PCNX3: variants seen among roughly 807,000 people sequenced by gnomAD.
The protein encoded by PCNX3 is pecanex 3.
PCNX3 carries 58 observed loss-of-function variants against 207.2 expected under a neutral mutation model. The observed-to-expected ratio is 0.28, with a 90% CI of 0.23 to 0.35. The LOEUF (loss-of-function observed/expected upper bound fraction) is 0.35. Ranked by LOEUF, PCNX3 falls within the 10% of genes least tolerant of loss-of-function variation. PCNX3 has a pLI of 1.00. For synonymous variants in PCNX3, 1,337 were observed against 1,183.5 expected, an observed-to-expected ratio of 1.13 and a Z score of -2.66; for missense variants, 2,410 against 2,774.4, an observed-to-expected ratio of 0.87 and a Z score of 2.95.
chr11:65,627,415 C>T lies in PCNX3; in HGVS notation c.3535C>T (p.Leu1179=), dbSNP rs778548367. ...GCCCCTTGCCCACAGCTGCCGGGCG[C>T]TGCTGATGACCGTGGCTGGGCTGAA... ...PDKYCFYCRA[L]LMTVAGLKLL... Residue 1179 remains leucine, a synonymous_variant, in exon 22 of 35, where the codon CTG becomes TTG. Coordinates refer to ENST00000355703, the MANE Select transcript of PCNX3 (RefSeq NM_032223.4). 32 of 1,609,572 alleles carry T rather than the reference C, an allele frequency of 2.0e-5. No homozygotes were observed. Among genetic ancestry groups the T allele is most frequent in the Non-Finnish European group, 2.5e-5 (30 of 1,179,814 alleles).
chr11:65,624,163 G>C (rs1855257805), intron 13 of PCNX3, 32 bp from the exon 14 acceptor site: 3 of 1,587,754 alleles, frequency 1.9e-6, no homozygotes, highest in Non-Finnish European at 2.6e-6. Context: ...GCCAGTCGGG[G>C]AGACCCAGCT....
chr11:65,622,272 C>A lies in PCNX3; in HGVS notation c.2263C>A (p.Pro755Thr), dbSNP rs1855147954. The A allele has an allele frequency of 6.2e-7, 1 of 1,602,354 alleles. No individual in the cohort carries two copies. Among genetic ancestry groups the A allele is most frequent in the Admixed American group, 1.7e-5 (1 of 58,758 alleles). ...GCAGACACTGATGGAAGAAGCGCCA[C>A]CCCGGGCCCAGCATAGTTACAAGTA... Reference protein sequence around the residue: ...EEQTLMEEAPPRAQHSYKYWL... With the variant: ...EEQTLMEEAPTRAQHSYKYWL... Residue 755 changes from proline to threonine, a missense_variant, in exon 11 of 35, where the codon CCC becomes ACC. Physicochemically the swap from Pro to Thr is conservative, Grantham distance 38 (BLOSUM62 -1). Transcript: ENST00000355703.
chr11:65,623,620 C>T lies in PCNX3; in HGVS notation c.2487C>T (p.Ala829=), dbSNP rs1297986161. The change falls in exon 12 of 35, where the codon GCC becomes GCT. Residue 829 remains alanine, a synonymous_variant. Coordinates refer to ENST00000355703, the MANE Select transcript of PCNX3 (RefSeq NM_032223.4). ...IWVFQFCLVI[A]SCQYSLLKSV... ...TCTTCCAGTTCTGCCTGGTCATCGC[C>T]TCCTGCCAGTACTCCTTGCTGAAGG... The T allele has an allele frequency of 8.7e-6, 14 of 1,613,908 alleles. No homozygotes were observed. Among genetic ancestry groups the T allele is most frequent in the Middle Eastern group, 1.7e-4 (1 of 6,060 alleles).
intron 6 of PCNX3, 109 bp downstream of exon 6, chr11:65,619,176 G>C (rs1472742777): frequency 1.1e-6 from 1 of 947,788 alleles, no homozygotes; most frequent in African/African-American, 1.6e-5. Flanking sequence ...AGCCTCGGTT[G>C]TAGGCAGCAG....
chr11:65,630,305 T>A (rs771191120), intron 26 of PCNX3, 46 bp from the exon 27 acceptor site: 4 of 1,593,204 alleles, frequency 2.5e-6, no homozygotes, highest in Non-Finnish European at 3.4e-6. Context: ...ACAGGGCAGG[T>A]AGGGATTGTT....
At chr11:65,623,848 G>T (rs1323856413) in intron 12 of PCNX3, 81 bp from the exon 13 acceptor site, 2 of 1,595,562 alleles carry the variant, frequency 1.3e-6, no homozygotes, top group Non-Finnish European at 1.7e-6. Context: ...ACTGCCTAGT[G>T]GTGGAGCTGA....
Position 65,618,556 on chromosome 11 carries a change from G to T in PCNX3, c.1194G>T (p.Leu398=), listed in dbSNP as rs569519560. 11 of 1,611,584 alleles carry T rather than the reference G, an allele frequency of 6.8e-6. No individual in the cohort carries two copies. In the East Asian group the frequency reaches 2.2e-4, roughly 33 times the overall value. Residue 398 remains leucine (L), a synonymous_variant, in exon 6 of 35, where the codon CTG becomes CTT. Transcript: ENST00000355703. ...LLRPSKRQPP[L]RRHSPPGRAP... Reference sequence around the variant, plus strand: ...GGCCTAGCAAACGGCAGCCACCCCTGCGAAGACACTCTCCACCTGGCCGTG... The same window carrying T: ...GGCCTAGCAAACGGCAGCCACCCCTTCGAAGACACTCTCCACCTGGCCGTG...
rs755865706 is a variant in PCNX3, at chr11:65,618,591, G to A, written c.1229G>A (p.Arg410Gln). ...TCTCCACCTGGCCGTGCCCCTCGACGGCCCCTGCTTGAAGGTGGGGGCTTC... is the reference window on the plus strand; with the variant it reads ...TCTCCACCTGGCCGTGCCCCTCGACAGCCCCTGCTTGAAGGTGGGGGCTTC... ...RHSPPGRAPR[R>Q]PLLEGGGFFE... Residue 410 changes from arginine to glutamine, a missense_variant, in exon 6 of 35, where the codon CGG becomes CAG. By Grantham distance (43) the Arg-to-Gln change is conservative (BLOSUM62 1). This residue lies in a region of PCNX3 where 1,104 missense variants were observed against 970.3 expected (regional missense o/e 1.14). Transcript: ENST00000355703. The A allele has an allele frequency of 1.1e-5, 18 of 1,611,980 alleles. No homozygotes were observed. The Admixed American group carries it at 2.2e-4, about 19-fold the overall frequency.
chr11:65,637,269 C>T lies in PCNX3; in HGVS notation c.*291C>T. On this transcript the variant is annotated 3_prime_UTR_variant, in exon 35 of 35. Coordinates refer to ENST00000355703, the MANE Select transcript of PCNX3 (RefSeq NM_032223.4). Reference sequence around the variant, plus strand: ...TCCCACTTGGAGCCTGTGGCCAGGACCACCTCAGCCCCTGGGCCTGCACTG... The same window carrying T: ...TCCCACTTGGAGCCTGTGGCCAGGATCACCTCAGCCCCTGGGCCTGCACTG... The T allele has an allele frequency of 2.2e-6, 1 of 461,078 alleles. No homozygotes were observed. The highest frequency in any genetic ancestry group is 3.1e-5 in the South Asian group (1 of 32,370). The allele number at this position is 461,078 out of a possible 1,614,324, so 28.6% of individuals were successfully genotyped here. A position where few individuals can be genotyped will look rare whatever the true frequency, so the allele number is the denominator to read the frequency against.
chr11:65,629,206 C>A, intron 24 of PCNX3, 151 bp from the exon 25 acceptor site: 1 of 947,500 alleles, frequency 1.1e-6, no homozygotes, highest in Non-Finnish European at 1.6e-6. Context: ...GTGTGAGTCC[C>A]TTCATGTACC....
In PCNX3 at chr11:65,617,983, C is replaced by G. The variant is rs200269322; in HGVS notation, c.621C>G (p.Pro207=). The G allele has an allele frequency of 7.5e-6, 12 of 1,609,696 alleles. No individual in the cohort carries two copies. In the East Asian group the frequency reaches 2.7e-4, roughly 36 times the overall value. The change falls in exon 6 of 35, where the codon CCC becomes CCG. Residue 207 remains proline, a synonymous_variant. Transcript: ENST00000355703. ...PQTPPGAVPD[P]SLASTDSSEP... ...CGCCTCCAGGGGCTGTCCCAGACCC[C>G]TCTCTTGCCAGTACAGACTCTTCAG...
Position 65,618,663 on chromosome 11 carries a change from C to T in PCNX3, c.1301C>T (p.Ser434Phe). ...GAGGGCAGTGAACTGAGCCCGGCCT[C>T]CAGTCTCCGATCGCAGCGCCGCTAC... Reference protein sequence around the residue: ...TSEGSELSPASSLRSQRRYST... With the variant: ...TSEGSELSPAFSLRSQRRYST... Residue 434 changes from serine (S) to phenylalanine (F), a missense_variant, in exon 6 of 35, where the codon TCC becomes TTC. Physicochemically the swap from Ser to Phe is radical, Grantham distance 155. Around this residue, in one of 8 missense-constraint regions of PCNX3, gnomAD observed 1,104 missense variants for 970.3 expected, o/e 1.14. Transcript: ENST00000355703. 1 of 1,613,284 alleles carries T rather than the reference C, an allele frequency of 6.2e-7. No homozygotes were observed. The highest frequency in any genetic ancestry group is 8.5e-7 in the Non-Finnish European group (1 of 1,179,848).
At chr11:65,626,861 G>GA (rs1855418158) in intron 20 of PCNX3, 43 bp from the exon 21 acceptor site, 1 of 1,562,344 alleles carries the variant, frequency 6.4e-7, no homozygotes, top group Admixed American at 1.9e-5. Context: ...AGGGAAGGCA[G>GA]GCATGTGGAA....
chr11:65,618,529 A>G lies in PCNX3; in HGVS notation c.1167A>G (p.Leu389=). ...LVVRPKDLAL[L]RPSKRQPPLR... ...TGCGGCCCAAGGACTTGGCCCTGCT[A>G]CGGCCTAGCAAACGGCAGCCACCCC... Residue 389 remains leucine, a synonymous_variant, in exon 6 of 35, where the codon CTA becomes CTG. Coordinates refer to ENST00000355703, the MANE Select transcript of PCNX3 (RefSeq NM_032223.4). 6.2e-7 allele frequency: 1 copy of G among 1,611,202 alleles called. No homozygotes were observed. The highest frequency in any genetic ancestry group is 8.5e-7 in the Non-Finnish European group (1 of 1,178,992).
In PCNX3 at chr11:65,624,672, C is replaced by T. The variant is rs558474853; in HGVS notation, c.2827+91C>T. 160 of 1,217,796 alleles carry T rather than the reference C, an allele frequency of 1.3e-4. No homozygotes were observed. In the African/African-American group the frequency reaches 2.2e-3, roughly 17 times the overall value. 75.4% of individuals were successfully genotyped at this position (1,217,796 alleles called of 1,614,324 possible). On this transcript the variant is annotated intron_variant, in intron 15 of 34. Coordinates refer to ENST00000355703, the MANE Select transcript of PCNX3 (RefSeq NM_032223.4). ...GGTCCTTGGCTCCACCCTTGCGGAA[C>T]CTTCTCCTGCGTCTGTACTGCAGAC...
rs769564963 is a variant in PCNX3, at chr11:65,629,757, G to C, written c.4216+22G>C. On this transcript the variant is annotated intron_variant, in intron 26 of 34. Coordinates refer to ENST00000355703, the MANE Select transcript of PCNX3 (RefSeq NM_032223.4). ...CGGGGTGAGCCGCAGGACCAGGCTC[G>C]GGTGGGCAGGCACAGCTCGGGCCTG... is the stretch of plus-strand genomic sequence containing the variant. The C allele has an allele frequency of 6.5e-6, 10 of 1,547,850 alleles. No individual in the cohort carries two copies. The Admixed American group carries it at 1.6e-4, about 24-fold the overall frequency.
chr11:65,636,919 G>GC lies in PCNX3; in HGVS notation c.6050dup (p.Ile2018TyrfsTer2). 6.4e-7 allele frequency: 1 copy of GC among 1,561,580 alleles called. No individual in the cohort carries two copies. The highest frequency in any genetic ancestry group is 8.7e-7 in the Non-Finnish European group (1 of 1,153,208). ...TATGGGTGCCCTGGGCGACTGGCCTGCCCCTATTGAGGAGCGTGAGAGCCC... is the reference window on the plus strand; with the variant it reads ...TATGGGTGCCCTGGGCGACTGGCCTGCCCCCTATTGAGGAGCGTGAGAGCCC... On this transcript the variant is annotated frameshift_variant, in exon 35 of 35. Coordinates refer to ENST00000355703, the MANE Select transcript of PCNX3 (RefSeq NM_032223.4). LOFTEE classifies it high-confidence loss of function.
chr11:65,630,482 C>T lies in PCNX3; in HGVS notation c.4348C>T (p.Leu1450=). Residue 1450 remains leucine (L), a synonymous_variant, in exon 27 of 35, where the codon CTG becomes TTG. Coordinates refer to ENST00000355703, the MANE Select transcript of PCNX3 (RefSeq NM_032223.4). The part of the protein sequence containing the change: ...SFNAAFGQRW[L]AWEVTASKYV... ...CAATGCTGCCTTTGGGCAGCGCTGG[C>T]TGGCTTGGGAGGTAACAGCCAGCAA... 1 of 1,613,616 alleles carries T rather than the reference C, an allele frequency of 6.2e-7. No homozygotes were observed.
Position 65,618,578 on chromosome 11 carries a change from C to T in PCNX3, c.1216C>T (p.Arg406Cys), listed in dbSNP as rs758655572. 31 of 1,611,810 alleles carry T rather than the reference C, an allele frequency of 1.9e-5. No homozygotes were observed. Among genetic ancestry groups the T allele is most frequent in the East Asian group, 6.7e-5 (3 of 44,870 alleles). Residue 406 changes from arginine to cysteine, a missense_variant, in exon 6 of 35, where the codon CGT becomes TGT. By Grantham distance (180) the Arg-to-Cys change is radical. This residue lies in a region of PCNX3 where 1,104 missense variants were observed against 970.3 expected (regional missense o/e 1.14). Transcript: ENST00000355703. ...CCTGCGAAGACACTCTCCACCTGGC[C>T]GTGCCCCTCGACGGCCCCTGCTTGA... The part of the protein sequence containing the change: ...PPLRRHSPPG[R>C]APRRPLLEGG...
Sources: allele counts gnomAD v4.1 joint callset, GRCh38; gene constraint gnomAD v4.1.1; regional missense constraint gnomAD v4.1.1; transcripts MANE v1.5; gene names NCBI Gene and HGNC (gene_info 2026-07-23, HGNC 2026-07-21).